The following INO80D variants were observed in gnomAD, a reference collection of about 807,000 sequenced individuals.
INO80D encodes the protein INO80 complex subunit D.
In INO80D, 21 loss-of-function variants were observed where a neutral mutation model predicts 87.6. That is an observed-to-expected ratio of 0.24 (90% CI 0.17 to 0.35). The LOEUF is 0.35. INO80D is among the 10% of genes least tolerant of loss of function. INO80D has a pLI of 1.00. For missense variants in INO80D, 982 were observed against 1,280.7 expected (o/e 0.77, Z 3.56); for synonymous variants, 440 against 491.0 (o/e 0.90, Z 1.37).
At chr2:206,047,738 A>G (rs1357777748) in intron 4 of INO80D, among the ~76,000 whole-genome samples, 2 of 152,116 alleles carry the variant, frequency 1.3e-5, no homozygotes, top group African/African-American at 4.8e-5. Flanking sequence ...TAAAGTGTCA[A>G]AGGTAGAAAC....
chr2:206,079,475 T>C (rs1259787096), intron 1 of INO80D, among the ~76,000 whole-genome samples: 1 of 152,180 alleles, frequency 6.6e-6, no homozygotes, highest in Admixed American at 6.5e-5. Context: ...TGTCTACTTC[T>C]ACCATTTCAG....
At chr2:206,073,394 T>C (rs372441328) in intron 1 of INO80D, among the ~76,000 whole-genome samples, 3 of 152,240 alleles carry the variant, frequency 2.0e-5, no homozygotes, top group African/African-American at 2.4e-5. Context: ...CTCTTTGGCA[T>C]TGAGTGCAAG....
chr2:206,039,810 CAAAAAAAAAA>C (rs35689223), intron 5 of INO80D, among the ~76,000 whole-genome samples: 2 of 101,116 alleles, frequency 2.0e-5, no homozygotes, highest in Admixed American at 1.1e-4. Flanking sequence ...CCTCTGTCTC[CAAAAAAAAAA>C]AAAAAAAAGA....
At chr2:206,082,442 T>C (rs192375197) in intron 1 of INO80D, among the ~76,000 whole-genome samples, 79 of 152,376 alleles carry the variant, frequency 5.2e-4, no homozygotes, top group African/African-American at 1.8e-3. Context: ...ATTTCCTCAG[T>C]ATCTCAAACT....
intron 4 of INO80D, among the ~76,000 whole-genome samples, chr2:206,051,376 G>A (rs1007446146): frequency 6.6e-6 from 1 of 151,586 alleles, no homozygotes; most frequent in Non-Finnish European, 1.5e-5. Flanking sequence ...AACTGTGCCT[G>A]GCTATAACAG....
At chr2:206,024,504 A>G (rs1688550359) in intron 6 of INO80D, among the ~76,000 whole-genome samples, 2 of 151,948 alleles carry the variant, frequency 1.3e-5, no homozygotes, top group Non-Finnish European at 2.9e-5. Context: ...GTGTAAGGGA[A>G]GAGTAGGCTG....
intron 3 of INO80D, among the ~76,000 whole-genome samples, chr2:206,060,798 G>C (rs958476829): frequency 7.9e-5 from 12 of 152,070 alleles, no homozygotes; most frequent in African/African-American, 2.6e-4. Flanking sequence ...AACCTCAGGT[G>C]ATCCACCCAC....
chr2:206,066,134 C>T (rs1210699591), intron 1 of INO80D, among the ~76,000 whole-genome samples: 1 of 152,088 alleles, frequency 6.6e-6, no homozygotes, highest in South Asian at 2.1e-4. Context: ...TTGGCATGCG[C>T]CTGTAGTCTC....
intron 1 of INO80D, among the ~76,000 whole-genome samples, chr2:206,083,143 T>C (rs1213836712): frequency 6.6e-6 from 1 of 152,212 alleles, no homozygotes; most frequent in Non-Finnish European, 1.5e-5. Flanking sequence ...AAACCTGTCA[T>C]TCCTTCAGGA....
rs1687955699 is a variant in INO80D at position 206,004,101 on chromosome 2, A to G, written c.*267T>C. The G allele has an allele frequency of 9.7e-6, 5 of 514,780 alleles. No homozygotes were observed. The highest frequency in any genetic ancestry group is 1.8e-5 in the Non-Finnish European group (5 of 285,608). The allele number at this position is 514,780 out of a possible 1,614,324, so 31.9% of individuals were successfully genotyped here. A position where few individuals can be genotyped will look rare whatever the true frequency, so the allele number is the denominator to read the frequency against. Reference sequence around the variant, plus strand: ...TTCTAGGACTTGCTGCTAAAAATCAATCCTATCCAGTCACTGTGCTGAACC... The same window carrying G: ...TTCTAGGACTTGCTGCTAAAAATCAGTCCTATCCAGTCACTGTGCTGAACC... On this transcript the variant is annotated 3_prime_UTR_variant, in exon 11 of 11. Coordinates refer to ENST00000403263, the MANE Select transcript of INO80D (RefSeq NM_017759.5). This position sits in a 1 kb window ranked among gnomAD's most constrained non-coding sequence, Gnocchi z 4.9.
intron 8 of INO80D, among the ~76,000 whole-genome samples, chr2:206,013,498 G>A (rs1688234655): frequency 6.8e-6 from 1 of 146,106 alleles, no homozygotes; most frequent in Non-Finnish European, 1.5e-5. Context: ...CTTGCAGTGA[G>A]CCGAGATCTC....
At position 206,056,967 on chromosome 2, in the gene INO80D, G is replaced by A. The variant is rs750863165; in HGVS notation, c.219-24C>T. 3.3e-6 allele frequency: 5 copies of A among 1,537,720 alleles called. No individual in the cohort carries two copies. In the East Asian group the frequency reaches 9.1e-5, roughly 28 times the overall value. On this transcript the variant is annotated intron_variant, in intron 3 of 10. Transcript: ENST00000403263. ...ACCTTTAAAATACACACATACATGG[G>A]AAAACAGTCATGATACATATTTTTT...
rs1062344 is a variant in INO80D at position 206,003,998 on chromosome 2, C to T, written c.*370G>A. The T allele has an allele frequency of 0.29, 67,650 of 236,584 alleles. 11,136 individuals carry two copies. The highest frequency in any genetic ancestry group is 0.35 in the Non-Finnish European group (42,075 of 119,058). The allele number at this position is 236,584 out of a possible 1,614,324, so 14.7% of individuals were successfully genotyped here. A position where few individuals can be genotyped will look rare whatever the true frequency, so the allele number is the denominator to read the frequency against. ...CTATCTAGAACCACCTATGTAAAAA[C>T]CTGGCAACAGAATGGAAAGCACTGA... On this transcript the variant is annotated 3_prime_UTR_variant, in exon 11 of 11. Coordinates refer to ENST00000403263, the MANE Select transcript of INO80D (RefSeq NM_017759.5).
chr2:206,023,175 T>TG (rs1162964025), intron 6 of INO80D, among the ~76,000 whole-genome samples: 1 of 152,034 alleles, frequency 6.6e-6, no homozygotes, highest in Non-Finnish European at 1.5e-5. Context: ...CACTCCAGCC[T>TG]GGGCAACAAG....
chr2:206,010,083 A>G (rs72951158), intron 8 of INO80D, among the ~76,000 whole-genome samples: 9 of 151,274 alleles, frequency 5.9e-5, no homozygotes, highest in East Asian at 3.9e-4. Flanking sequence ...ACACACACAC[A>G]CACGCACACA....
At chr2:206,006,027 T>C (rs1344025553) in intron 10 of INO80D, among the ~76,000 whole-genome samples, 1 of 152,182 alleles carries the variant, frequency 6.6e-6, no homozygotes, top group Non-Finnish European at 1.5e-5. Context: ...ATACATCTAT[T>C]TGAGCACAAC....
chr2:206,020,990 A>T (rs1688448785), intron 6 of INO80D, among the ~76,000 whole-genome samples: 11 of 152,108 alleles, frequency 7.2e-5, no homozygotes, highest in Admixed American at 7.2e-4. Flanking sequence ...TGGGCAACAT[A>T]GGGAGATCCC....
intron 6 of INO80D, chr2:206,025,542 A>AAAAATATAT (rs71301548): frequency 6.5e-5 from 5 of 76,934 alleles, no homozygotes; most frequent in African/African-American, 1.7e-4. Context: ...AAAAAAAAAA[A>AAAAATATAT]ATATATATAT....
chr2:205,995,524 A>G lies in INO80D; in HGVS notation c.*8844T>C, dbSNP rs1353035680. ...TGCCATTTAAAACTCATACATATAC[A>G]TGTGTATATACAGTTATATCAACAC... On this transcript the variant is annotated 3_prime_UTR_variant, in exon 11 of 11. Transcript: ENST00000403263. 6.6e-6 allele frequency: 1 copy of G among 152,212 alleles called. No homozygotes were observed. The highest frequency in any genetic ancestry group is 6.5e-5 in the Admixed American group (1 of 15,278). 9.4% of individuals were successfully genotyped at this position (152,212 alleles called of 1,614,324 possible).
Sources: gnomAD v4.1 joint callset for allele counts (sites outside exome capture counted in the v4.1 genomes callset) on GRCh38, gnomAD v4.1.1 for gene constraint, Gnocchi (gnomAD v3.1) non-coding constraint, MANE v1.5 for transcripts, NCBI Gene and HGNC (gene_info 2026-07-23, HGNC 2026-07-21) for gene names.